The following IMPG1 variants were observed in gnomAD, a reference collection of about 807,000 sequenced individuals.
IMPG1 encodes the protein interphotoreceptor matrix proteoglycan of 150 kDa.
In IMPG1, 85 loss-of-function variants were observed where a neutral mutation model predicts 92.0. The ratio of observed to expected loss-of-function variants is 0.92; its 90% confidence interval spans 0.78 to 1.11. IMPG1 has a LOEUF of 1.11. IMPG1 is among the 50% of genes least tolerant of loss of function. IMPG1 has a pLI of 0.00. For synonymous variants in IMPG1, 367 were observed against 334.1 expected (o/e 1.10, Z -1.08); for missense variants, 1,022 against 956.0 (o/e 1.07, Z -0.91).
chr6:76,044,507 G>C (rs1259211043), intron 1 of IMPG1, among the ~76,000 whole-genome samples: 1 of 152,130 alleles, frequency 6.6e-6, no homozygotes, highest in Non-Finnish European at 1.5e-5. Context: ...CATCACCACA[G>C]TCTTTGTTCC....
intron 8 of IMPG1, among the ~76,000 whole-genome samples, chr6:76,007,701 TAAG>T (rs1783121655): frequency 6.6e-6 from 1 of 152,212 alleles, no homozygotes; most frequent in South Asian, 2.1e-4. Context: ...GATATGAATC[TAAG>T]AAGTAAACAT....
intron 1 of IMPG1, among the ~76,000 whole-genome samples, chr6:76,047,421 T>A (rs938654810): frequency 6.6e-6 from 1 of 152,248 alleles, no homozygotes; most frequent in East Asian, 1.9e-4. Context: ...GATTCACCTG[T>A]ATTCACTAAG....
At chr6:76,030,517 A>G (rs991433147) in intron 4 of IMPG1, among the ~76,000 whole-genome samples, 1 of 152,002 alleles carries the variant, frequency 6.6e-6, no homozygotes, top group Non-Finnish European at 1.5e-5. Flanking sequence ...CGGATAGGTA[A>G]TACGCTCCCC....
At chr6:75,975,106 C>T (rs1009475117) in intron 12 of IMPG1, among the ~76,000 whole-genome samples, 4 of 152,214 alleles carry the variant, frequency 2.6e-5, no homozygotes, top group African/African-American at 9.7e-5. Flanking sequence ...GAAGGCAGAG[C>T]CTGGGTCTAC....
At chr6:75,971,714 A>G (rs1782420859) in intron 12 of IMPG1, among the ~76,000 whole-genome samples, 1 of 152,218 alleles carries the variant, frequency 6.6e-6, no homozygotes. Context: ...CTTCCAGGCT[A>G]ACTGATTCAT....
At chr6:75,981,996 C>A (rs1006342709) in intron 12 of IMPG1, among the ~76,000 whole-genome samples, 2 of 152,156 alleles carry the variant, frequency 1.3e-5, no homozygotes, top group Non-Finnish European at 2.9e-5. Context: ...TTGGAACAGA[C>A]AATTCTATTT....
intron 7 of IMPG1, among the ~76,000 whole-genome samples, chr6:76,013,747 A>C (rs1783232449): frequency 6.6e-6 from 1 of 152,166 alleles, no homozygotes; most frequent in South Asian, 2.1e-4. Context: ...GCATCTCTTC[A>C]TTCTCTAAAT....
At chr6:75,999,698 T>C (rs1024432211) in intron 12 of IMPG1, among the ~76,000 whole-genome samples, 1 of 152,224 alleles carries the variant, frequency 6.6e-6, no homozygotes, top group Non-Finnish European at 1.5e-5. Flanking sequence ...TATGAAAGCA[T>C]ATGGATCTGC....
chr6:76,014,347 A>T (rs1161414838), intron 7 of IMPG1, among the ~76,000 whole-genome samples: 1 of 152,198 alleles, frequency 6.6e-6, no homozygotes, highest in East Asian at 1.9e-4. Flanking sequence ...ACTCAGAGGG[A>T]GGAAGGACAG....
intron 12 of IMPG1, among the ~76,000 whole-genome samples, chr6:75,980,818 T>C (rs1341507411): frequency 2.6e-5 from 4 of 152,184 alleles, no homozygotes; most frequent in Non-Finnish European, 5.9e-5. Flanking sequence ...GTGAGCCAAT[T>C]CTCCTTAATA....
intron 4 of IMPG1, among the ~76,000 whole-genome samples, chr6:76,027,160 T>C (rs1783556701): frequency 6.6e-6 from 1 of 152,200 alleles, no homozygotes; most frequent in Non-Finnish European, 1.5e-5. Flanking sequence ...GCCTTAAAGA[T>C]TATTGGTAAA....
intron 1 of IMPG1, among the ~76,000 whole-genome samples, chr6:76,049,358 G>A (rs1342255484): frequency 6.6e-6 from 1 of 152,116 alleles, no homozygotes; most frequent in Non-Finnish European, 1.5e-5. Context: ...AATAAAAAAA[G>A]ATTTGTCTTT....
intron 13 of IMPG1, among the ~76,000 whole-genome samples, chr6:75,950,203 G>A (rs931077953): frequency 6.6e-6 from 1 of 152,120 alleles, no homozygotes; most frequent in Non-Finnish European, 1.5e-5. Context: ...CCTTTCATGA[G>A]ATTGATATAA....
At chr6:75,925,682 T>TTTGTTTGC (rs1227773674) in intron 15 of IMPG1, among the ~76,000 whole-genome samples, 1 of 151,940 alleles carries the variant, frequency 6.6e-6, no homozygotes, top group South Asian at 2.1e-4. Flanking sequence ...TGTTTGTTTG[T>TTTGTTTGC]TTTGAGACAG....
intron 12 of IMPG1, among the ~76,000 whole-genome samples, chr6:75,991,348 A>G (rs1782810043): frequency 6.6e-6 from 1 of 151,584 alleles, no homozygotes; most frequent in South Asian, 2.1e-4. Flanking sequence ...CCAAGATTGC[A>G]CCACTGCATT....
At chr6:75,941,146 G>C (rs2149453910) in intron 14 of IMPG1, among the ~76,000 whole-genome samples, 1 of 152,200 alleles carries the variant, frequency 6.6e-6, no homozygotes, top group Non-Finnish European at 1.5e-5. Flanking sequence ...GGTCCTTGTG[G>C]CTATCATAGT....
intron 1 of IMPG1, among the ~76,000 whole-genome samples, chr6:76,051,160 A>G (rs2127596144): frequency 6.6e-6 from 1 of 152,290 alleles, no homozygotes; most frequent in East Asian, 1.9e-4. Flanking sequence ...CCTTACTAAA[A>G]AAAGTGAGGG....
At chr6:75,932,926 C>G (rs1000781212) in intron 14 of IMPG1, among the ~76,000 whole-genome samples, 18 of 152,218 alleles carry the variant, frequency 1.2e-4, no homozygotes, top group African/African-American at 4.3e-4. Flanking sequence ...GTCTCGAACT[C>G]CTGACCTCAG....
At chr6:76,001,058 AAC>A (rs1389964027) in intron 12 of IMPG1, among the ~76,000 whole-genome samples, 1 of 152,368 alleles carries the variant, frequency 6.6e-6, no homozygotes, top group African/African-American at 2.4e-5. Flanking sequence ...TCATTTGTGA[AAC>A]ACAGAAGCTT....
Sources: allele counts gnomAD v4.1 joint callset (sites outside exome capture counted in the v4.1 genomes callset), GRCh38; gene constraint gnomAD v4.1.1; transcripts MANE v1.5; gene names NCBI Gene and HGNC (gene_info 2026-07-23, HGNC 2026-07-21).